Variants in ADAM18 observed in about 807,000 individuals in gnomAD.
ADAM18 encodes disintegrin and metalloproteinase domain-containing protein 18.
ADAM18 carries 117 observed loss-of-function variants against 94.4 expected under a neutral mutation model. The ratio of observed to expected loss-of-function variants is 1.24; its 90% CI spans 1.07 to 1.45. The LOEUF (loss-of-function observed/expected upper bound fraction) is 1.45, where lower values mean the gene tolerates loss of function less well. Among genes scored for constraint, ADAM18 ranks in the 40% most tolerant of loss-of-function variants. The pLI, the probability that ADAM18 is intolerant of heterozygous loss-of-function variation, is 0.00. For missense variants in ADAM18, 936 were observed against 880.0 expected (o/e 1.06, Z -0.81); for synonymous variants, 327 against 291.6 (o/e 1.12, Z -1.24).
chr8:39,673,047 T>A (rs576200686), intron 14 of ADAM18, among the ~76,000 whole-genome samples: 113 of 152,298 alleles, frequency 7.4e-4, no homozygotes, highest in African/African-American at 2.7e-3. Context: ...GTGTTTGATG[T>A]CTGTAACCGC....
chr8:39,697,710 A>AT (rs1475206883), intron 17 of ADAM18, among the ~76,000 whole-genome samples: 2 of 151,680 alleles, frequency 1.3e-5, no homozygotes, highest in African/African-American at 4.8e-5. Context: ...TAAAATTAAC[A>AT]TTTTTTCTGA....
chr8:39,724,897 G>C (rs539155137), intron 19 of ADAM18, among the ~76,000 whole-genome samples: 1 of 151,824 alleles, frequency 6.6e-6, no homozygotes, highest in African/African-American at 2.4e-5. Context: ...CAACTTAGTT[G>C]AGCTCTGATC....
intron 2 of ADAM18, among the ~76,000 whole-genome samples, chr8:39,596,630 A>T (rs1443557531): frequency 6.6e-6 from 1 of 152,202 alleles, no homozygotes; most frequent in Non-Finnish European, 1.5e-5. Context: ...AAGCTGCCAT[A>T]AATATTTCTG....
In ADAM18 at chr8:39,585,298, T is replaced by G; in HGVS notation, c.78T>G (p.His26Gln). The change falls in exon 2 of 20, where the codon CAT becomes CAG. Residue 26 changes from histidine to glutamine, a missense_variant. His to Gln is a conservative substitution (Grantham distance 24, BLOSUM62 0). Coordinates refer to ENST00000265707, the MANE Select transcript of ADAM18 (RefSeq NM_014237.3). The part of the protein sequence containing the change: ...AHEGSEGIFL[H>Q]VTVPRKIKSN... ...CAGGTTCTGAAGGAATATTTCTGCATGTCACAGTTCCACGGAAGATTAAGT... is the reference window on the plus strand; with the variant it reads ...CAGGTTCTGAAGGAATATTTCTGCAGGTCACAGTTCCACGGAAGATTAAGT... The G allele has an allele frequency of 6.2e-7, 1 of 1,613,226 alleles. No individual in the cohort carries two copies. Among genetic ancestry groups the G allele is most frequent in the South Asian group, 1.1e-5 (1 of 90,816 alleles).
intron 16 of ADAM18, among the ~76,000 whole-genome samples, chr8:39,685,597 T>C (rs1475507489): frequency 6.6e-6 from 1 of 152,148 alleles, no homozygotes; most frequent in Non-Finnish European, 1.5e-5. Flanking sequence ...AATCTCTTTT[T>C]CAAAAGGTGG....
chr8:39,625,191 GT>G (rs1250373979), intron 6 of ADAM18, among the ~76,000 whole-genome samples: 1 of 152,056 alleles, frequency 6.6e-6, no homozygotes, highest in East Asian at 1.9e-4. Context: ...TGAATTTCCA[GT>G]TTTTTCTGCT....
Position 39,610,715 on chromosome 8 carries a change from CA to C in ADAM18, c.522+10del. 1 of 1,611,008 alleles carries C rather than the reference CA, an allele frequency of 6.2e-7. No individual in the cohort carries two copies. The highest frequency in any genetic ancestry group is 1.1e-5 in the South Asian group (1 of 90,376). On this transcript the variant is annotated intron_variant, in intron 6 of 19. Transcript: ENST00000265707. ...TTCCTTTAAACTCACAGGTGACTGT[CA>C]TCATTCTGATGTTATGACATACTAG...
chr8:39,718,581 A>G (rs553202525), intron 18 of ADAM18, among the ~76,000 whole-genome samples: 1 of 151,512 alleles, frequency 6.6e-6, no homozygotes, highest in African/African-American at 2.4e-5. Flanking sequence ...TTACAAATTA[A>G]TGGGCATAAA....
intron 11 of ADAM18, among the ~76,000 whole-genome samples, chr8:39,646,389 A>C (rs1431600736): frequency 2.0e-5 from 3 of 151,466 alleles, no homozygotes; most frequent in South Asian, 2.1e-4. Context: ...CAATTAAAAC[A>C]ATTAAAATAA....
intron 5 of ADAM18, among the ~76,000 whole-genome samples, chr8:39,610,271 C>A (rs534730600): frequency 6.6e-6 from 1 of 152,050 alleles, no homozygotes; most frequent in African/African-American, 2.4e-5. Context: ...GCAAATTTGG[C>A]CTTAATTAAT....
intron 17 of ADAM18, among the ~76,000 whole-genome samples, chr8:39,697,232 A>T (rs1028055007): frequency 1.3e-5 from 2 of 151,666 alleles, no homozygotes; most frequent in African/African-American, 4.8e-5. Flanking sequence ...GTATCCTGCA[A>T]CTTTGTTAAT....
intron 12 of ADAM18, among the ~76,000 whole-genome samples, chr8:39,654,569 G>A (rs1266856454): frequency 6.6e-6 from 1 of 152,122 alleles, no homozygotes; most frequent in South Asian, 2.1e-4. Context: ...CCAGCAGTGG[G>A]ATTGCTGGAT....
intron 19 of ADAM18, among the ~76,000 whole-genome samples, chr8:39,729,442 A>G (rs562226418): frequency 2.6e-5 from 4 of 152,270 alleles, no homozygotes; most frequent in African/African-American, 7.2e-5. Context: ...TGTTAACTCT[A>G]TTGTTTTCAT....
chr8:39,718,348 G>T (rs1822638882), intron 18 of ADAM18, among the ~76,000 whole-genome samples: 1 of 151,486 alleles, frequency 6.6e-6, no homozygotes, highest in Non-Finnish European at 1.5e-5. Context: ...AGGAAGTGTG[G>T]CATATACATG....
At chr8:39,674,371 A>G (rs1363872904) in intron 14 of ADAM18, among the ~76,000 whole-genome samples, 3 of 152,114 alleles carry the variant, frequency 2.0e-5, no homozygotes, top group East Asian at 1.9e-4. Context: ...TCCCTTTACC[A>G]TTATGTAATG....
At chr8:39,620,179 A>C (rs1194309646) in intron 6 of ADAM18, among the ~76,000 whole-genome samples, 2 of 152,052 alleles carry the variant, frequency 1.3e-5, no homozygotes, top group African/African-American at 4.8e-5. Flanking sequence ...CACACAAAAG[A>C]GTGAAAGTAA....
chr8:39,716,014 C>G (rs1359896385), intron 18 of ADAM18, among the ~76,000 whole-genome samples: 1 of 151,986 alleles, frequency 6.6e-6, no homozygotes, highest in Admixed American at 6.6e-5. Flanking sequence ...ACCAATGTCT[C>G]TCATCAATTT....
chr8:39,727,568 G>C (rs1822952331), intron 19 of ADAM18, among the ~76,000 whole-genome samples: 1 of 152,174 alleles, frequency 6.6e-6, no homozygotes, highest in African/African-American at 2.4e-5. Context: ...ACAAAATGCA[G>C]CCAAGCTCTC....
intron 6 of ADAM18, among the ~76,000 whole-genome samples, chr8:39,622,572 G>C (rs929817076): frequency 6.6e-6 from 1 of 151,798 alleles, no homozygotes; most frequent in African/African-American, 2.4e-5. Flanking sequence ...TTGAGAATTT[G>C]TCTTGTGTGC....
Sources: allele counts gnomAD v4.1 joint callset (sites outside exome capture counted in the v4.1 genomes callset), GRCh38; gene constraint gnomAD v4.1.1; transcripts MANE v1.5; gene names NCBI Gene and HGNC (gene_info 2026-07-23, HGNC 2026-07-21).